Variants in AGBL1 observed in about 807,000 individuals in gnomAD.
AGBL1 encodes cytosolic carboxypeptidase 4.
AGBL1 carries 130 observed loss-of-function variants against 118.9 expected under a neutral mutation model. The ratio of observed to expected loss-of-function variants is 1.09; its 90% CI spans 0.95 to 1.26. The LOEUF (loss-of-function observed/expected upper bound fraction) is 1.26, where lower values mean the gene tolerates loss of function less well. AGBL1 is among the 50% of genes most tolerant of loss of function. AGBL1 has a pLI of 0.00. For synonymous variants in AGBL1, 555 were observed against 478.9 expected (o/e 1.16, Z -2.08); for missense variants, 1,584 against 1,298.1 (o/e 1.22, Z -3.38).
chr15:86,647,600 C>T (rs564871421), intron 21 of AGBL1, among the ~76,000 whole-genome samples: 3 of 152,264 alleles, frequency 2.0e-5, no homozygotes, highest in African/African-American at 7.2e-5. Flanking sequence ...ACTCGGAAGG[C>T]TGAGACAGGA....
intron 5 of AGBL1, among the ~76,000 whole-genome samples, chr15:86,207,535 G>A (rs905125714): frequency 5.3e-5 from 8 of 152,132 alleles, no homozygotes; most frequent in Admixed American, 4.6e-4. Flanking sequence ...CACATCCCTT[G>A]TAAGTTGGAT....
intron 17 of AGBL1, among the ~76,000 whole-genome samples, chr15:86,328,673 C>G (rs931838656): frequency 2.0e-5 from 3 of 152,008 alleles, no homozygotes; most frequent in African/African-American, 7.3e-5. Flanking sequence ...TGAGTGAAGC[C>G]CCAGTACATG....
At chr15:86,539,664 C>G (rs149039508) in intron 19 of AGBL1, among the ~76,000 whole-genome samples, 2 of 152,302 alleles carry the variant, frequency 1.3e-5, no homozygotes, top group African/African-American at 4.8e-5. Flanking sequence ...GTTAATACCT[C>G]AAATCTACAG....
At chr15:86,575,350 AT>A (rs999149460) in intron 21 of AGBL1, among the ~76,000 whole-genome samples, 2 of 151,464 alleles carry the variant, frequency 1.3e-5, no homozygotes, top group African/African-American at 4.8e-5. Flanking sequence ...AAATCAAAAA[AT>A]TAGCTAGGTG....
At chr15:86,466,348 A>G (rs1349005697) in intron 18 of AGBL1, among the ~76,000 whole-genome samples, 1 of 152,194 alleles carries the variant, frequency 6.6e-6, no homozygotes, top group Non-Finnish European at 1.5e-5. Context: ...CCATCAGGCC[A>G]TTTATGTTCT....
At chr15:86,426,571 T>G (rs1486222858) in intron 18 of AGBL1, among the ~76,000 whole-genome samples, 1 of 152,158 alleles carries the variant, frequency 6.6e-6, no homozygotes, top group Non-Finnish European at 1.5e-5. Context: ...AACTGAAGCC[T>G]CAAACATGGT....
chr15:86,549,256 A>T (rs1282737437), intron 20 of AGBL1, among the ~76,000 whole-genome samples: 1 of 152,118 alleles, frequency 6.6e-6, no homozygotes, highest in African/African-American at 2.4e-5. Flanking sequence ...GTCCAAAGAG[A>T]CTTAAGAACT....
At chr15:86,943,538 A>G (rs1185930260) in intron 23 of AGBL1, among the ~76,000 whole-genome samples, 1 of 152,168 alleles carries the variant, frequency 6.6e-6, no homozygotes, top group Admixed American at 6.5e-5. Flanking sequence ...GATTGGTTGG[A>G]CCAGGTGCGC....
chr15:86,434,839 C>T (rs1260460817), intron 18 of AGBL1, among the ~76,000 whole-genome samples: 2 of 152,180 alleles, frequency 1.3e-5, no homozygotes, highest in Non-Finnish European at 2.9e-5. Flanking sequence ...ATAGCTTCCT[C>T]TCAGAAGAGG....
intron 22 of AGBL1, among the ~76,000 whole-genome samples, chr15:86,899,807 A>G (rs527394060): frequency 6.6e-6 from 1 of 152,224 alleles, no homozygotes; most frequent in African/African-American, 2.4e-5. Context: ...GTGAGTGTTA[A>G]CTTGATTGGA....
intron 22 of AGBL1, among the ~76,000 whole-genome samples, chr15:86,745,689 G>T (rs953153048): frequency 2.6e-5 from 4 of 152,090 alleles, no homozygotes; most frequent in Admixed American, 6.6e-5. Flanking sequence ...AGGGGAAAAT[G>T]GATTGTCCAA....
chr15:86,558,514 A>C (rs761605635), intron 21 of AGBL1, among the ~76,000 whole-genome samples: 4 of 152,176 alleles, frequency 2.6e-5, no homozygotes, highest in Non-Finnish European at 4.4e-5. Context: ...AGTAACTCAC[A>C]GGTATTGTTA....
At chr15:86,310,503 G>A (rs1359932568) in intron 17 of AGBL1, among the ~76,000 whole-genome samples, 2 of 152,134 alleles carry the variant, frequency 1.3e-5, no homozygotes, top group Admixed American at 6.5e-5. Flanking sequence ...TGGATTCACT[G>A]AGGGGAGCCT....
intron 5 of AGBL1, among the ~76,000 whole-genome samples, chr15:86,204,191 T>A (rs1389504109): frequency 2.0e-5 from 3 of 152,284 alleles, no homozygotes; most frequent in East Asian, 3.9e-4. Context: ...TTCTATGCTT[T>A]CTGTGTCCCA....
chr15:86,420,188 G>A (rs2081767199), intron 18 of AGBL1, among the ~76,000 whole-genome samples: 1 of 152,132 alleles, frequency 6.6e-6, no homozygotes, highest in Non-Finnish European at 1.5e-5. Context: ...CTCCTAGCAG[G>A]GGTCGACAGA....
At chr15:86,829,866 C>T (rs2141412399) in intron 22 of AGBL1, among the ~76,000 whole-genome samples, 1 of 152,122 alleles carries the variant, frequency 6.6e-6, no homozygotes, top group Non-Finnish European at 1.5e-5. Context: ...TGCATTTGTT[C>T]AGTTCATTGC....
At chr15:86,767,115 C>T (rs1247825816) in intron 22 of AGBL1, among the ~76,000 whole-genome samples, 1 of 151,988 alleles carries the variant, frequency 6.6e-6, no homozygotes, top group Non-Finnish European at 1.5e-5. Context: ...TAAGTATCAA[C>T]TTTTAAAAAA....
chr15:86,514,135 A>AACACACAC lies in AGBL1; in HGVS notation c.2556-8655_2556-8648dup, dbSNP rs3084321. Among the ~76,000 whole-genome samples, 213 of 149,290 alleles carry AACACACAC rather than the reference A, an allele frequency of 1.4e-3. 1 individual carries two copies. Among genetic ancestry groups the AACACACAC allele is most frequent in the East Asian group, 4.0e-3 (20 of 5,052 alleles). On this transcript the variant is annotated intron_variant, in intron 18 of 22. Transcript: ENST00000614907. Reference sequence around the variant, plus strand: ...AAATAGATGTATGAATACACACACAAACACACACACACACACACACACACA... The same window carrying AACACACAC: ...AAATAGATGTATGAATACACACACAAACACACACACACACACACACACACACACACACA...
rs74323516 is a variant in AGBL1 at position 86,707,365 on chromosome 15, T to C, written c.3158+32929T>C. On this transcript the variant is annotated intron_variant, in intron 22 of 22. Coordinates refer to ENST00000614907, the MANE Select transcript of AGBL1 (RefSeq NM_001386094.1). ...ATTTTATCAGTTGGAGGTTACTCTG[T>C]AAATATTACTTTCCAGTCAAGCAAA... Among the ~76,000 whole-genome samples the C allele has an allele frequency of 1.7e-3, 265 of 152,184 alleles. 3 individuals carry two copies. In the East Asian group the frequency reaches 0.022, roughly 13 times the overall value.
Sources: gnomAD v4.1 joint callset for allele counts (sites outside exome capture counted in the v4.1 genomes callset) on GRCh38, gnomAD v4.1.1 for gene constraint, MANE v1.5 for transcripts, NCBI Gene and HGNC (gene_info 2026-07-23, HGNC 2026-07-21) for gene names.